Variants in ASAP1 observed in about 807,000 individuals in gnomAD.
ASAP1 encodes the protein arf-GAP with SH3 domain, ANK repeat and PH domain-containing protein 1.
ASAP1 carries 43 observed loss-of-function variants against 145.2 expected under a neutral mutation model. The ratio of observed to expected loss-of-function variants is 0.30; its 90% CI spans 0.23 to 0.38. The LOEUF (loss-of-function observed/expected upper bound fraction) is 0.38, where lower values mean the gene tolerates loss of function less well. ASAP1 is among the 10% of genes least tolerant of loss of function. The pLI is 1.00. For missense variants in ASAP1, 1,018 were observed against 1,355.3 expected, an observed-to-expected ratio of 0.75 and a Z score of 3.91; for synonymous variants, 546 against 515.5, an observed-to-expected ratio of 1.06 and a Z score of -0.80.
chr8:130,188,329 AC>A, intron 5 of ASAP1, 146 bp from the exon 6 acceptor site: 1 of 660,418 alleles, frequency 1.5e-6, no homozygotes, highest in Non-Finnish European at 2.7e-6. Flanking sequence ...CCTACATGAC[AC>A]CTCTGTAGGT....
Position 130,185,743 on chromosome 8 carries a change from A to AAAAAAG in ASAP1, c.530+1487_530+1492dup, listed in dbSNP as rs1554841935. ...AAACTCCGCCTCAAAAAAAAAAAAA[A>AAAAAAG]AAAAAGAAAAAGAAAAAGAAAAAAA... is the stretch of plus-strand genomic sequence containing the variant. On this transcript the variant is annotated intron_variant, in intron 7 of 29. Transcript: ENST00000518721. Among the ~76,000 whole-genome samples, 9 of 150,968 alleles carry AAAAAAG rather than the reference A, an allele frequency of 6.0e-5. No individual in the cohort carries two copies. In the South Asian group the frequency reaches 8.4e-4, roughly 14 times the overall value.
chr8:130,412,233 C>T (rs762034930), intron 1 of ASAP1, among the ~76,000 whole-genome samples: 47 of 152,128 alleles, frequency 3.1e-4, no homozygotes, highest in Non-Finnish European at 6.0e-4. Flanking sequence ...AAATTTCATA[C>T]TGAATTATAA....
intron 2 of ASAP1, among the ~76,000 whole-genome samples, chr8:130,373,763 C>T (rs1827340500): frequency 6.9e-6 from 1 of 144,956 alleles, no homozygotes. Flanking sequence ...AGGAGAATTG[C>T]TTGAACCCAG....
chr8:130,428,787 TCATCATCACCATCACCACCACCACCAC>T (rs1156868152), intron 1 of ASAP1, among the ~76,000 whole-genome samples: 1 of 149,314 alleles, frequency 6.7e-6, no homozygotes, highest in Non-Finnish European at 1.5e-5. Context: ...CATCATCATA[TCATCATCACCATCACCACCACCACCAC>T]CATCATTATC....
chr8:130,059,288 C>G (rs1204908547), intron 28 of ASAP1, among the ~76,000 whole-genome samples: 3 of 152,058 alleles, frequency 2.0e-5, no homozygotes, highest in African/African-American at 4.8e-5. Context: ...CTTAGCCTCC[C>G]AAGTAGCTGG....
chr8:130,365,909 G>C (rs970185312), intron 2 of ASAP1, among the ~76,000 whole-genome samples: 1 of 152,204 alleles, frequency 6.6e-6, no homozygotes, highest in Non-Finnish European at 1.5e-5. Flanking sequence ...ATCCACAGAA[G>C]TGATCCCGGT....
intron 2 of ASAP1, among the ~76,000 whole-genome samples, chr8:130,367,991 T>C (rs530574095): frequency 8.5e-5 from 13 of 152,288 alleles, no homozygotes; most frequent in African/African-American, 2.9e-4. Flanking sequence ...CTTCTTAACA[T>C]ATGCTATTTA....
intron 13 of ASAP1, among the ~76,000 whole-genome samples, chr8:130,148,293 A>G (rs73712881): frequency 0.013 from 1,948 of 152,358 alleles, 29 homozygotes; most frequent in African/African-American, 0.043. Context: ...GCTATTTACA[A>G]ACTTCATGAC....
chr8:130,056,047 G>T (rs1175747730), intron 29 of ASAP1, among the ~76,000 whole-genome samples: 1 of 152,010 alleles, frequency 6.6e-6, no homozygotes, highest in Admixed American at 6.6e-5. Flanking sequence ...TTCCCCGCAG[G>T]TATCTCTGCT....
rs537343027 is a variant in ASAP1, at chr8:130,296,941, G to C, written c.187-59947C>G. On this transcript the variant is annotated intron_variant, in intron 3 of 29. Coordinates refer to ENST00000518721, the MANE Select transcript of ASAP1 (RefSeq NM_018482.4). The stretch of plus-strand genomic sequence containing the variant: ...CTTTCAAGTTTAACTGTCTTTTTTG[G>C]GGGGCTAAGTGGATGAGAGAGGTAA... Among the ~76,000 whole-genome samples the C allele has an allele frequency of 3.9e-5, 6 of 151,934 alleles. 1 individual carries two copies. The highest frequency in any genetic ancestry group is 1.4e-4 in the African/African-American group (6 of 41,426).
chr8:130,180,897 T>C lies in ASAP1; in HGVS notation c.531-17A>G, dbSNP rs770259244. On this transcript the variant is annotated splice_polypyrimidine_tract_variant and intron_variant, in intron 7 of 29. Coordinates refer to ENST00000518721, the MANE Select transcript of ASAP1 (RefSeq NM_018482.4). ...ATTTTTGTACTGTAATTAAAGCCAATGTCATTATTTAAAAAAAAAAAATAC... is the reference window on the plus strand; with the variant it reads ...ATTTTTGTACTGTAATTAAAGCCAACGTCATTATTTAAAAAAAAAAAATAC... 2 of 1,538,656 alleles carry C rather than the reference T, an allele frequency of 1.3e-6. No homozygotes were observed. Among genetic ancestry groups the C allele is most frequent in the Non-Finnish European group, 1.7e-6 (2 of 1,153,260 alleles).
At chr8:130,203,063 G>A (rs1046805058) in intron 5 of ASAP1, among the ~76,000 whole-genome samples, 5 of 151,956 alleles carry the variant, frequency 3.3e-5, no homozygotes, top group Non-Finnish European at 7.4e-5. Flanking sequence ...GAAATAAATT[G>A]TTGGAGGGCA....
chr8:130,210,372 C>T (rs1448095562), intron 5 of ASAP1, among the ~76,000 whole-genome samples: 3 of 152,076 alleles, frequency 2.0e-5, no homozygotes, highest in Non-Finnish European at 4.4e-5. Flanking sequence ...ACATGGAAAA[C>T]GTCTCAGTTT....
At position 130,325,842 on chromosome 8, in the gene ASAP1, G is replaced by A. The variant is rs1396034960; in HGVS notation, c.186+32175C>T. ...GATGACAAAACCAAGGCTCCGAGAA[G>A]AGACCACAAAACATATGATTAGTAA... On this transcript the variant is annotated intron_variant, in intron 3 of 29. Coordinates refer to ENST00000518721, the MANE Select transcript of ASAP1 (RefSeq NM_018482.4). Among the ~76,000 whole-genome samples the A allele has an allele frequency of 3.3e-5, 5 of 152,170 alleles. No individual in the cohort carries two copies. The East Asian group carries it at 9.6e-4, about 29-fold the overall frequency.
chr8:130,428,442 C>CCACTATCAT, intron 1 of ASAP1, among the ~76,000 whole-genome samples: 1 of 3,920 alleles, frequency 2.6e-4, no homozygotes, highest in Non-Finnish European at 5.0e-4. Flanking sequence ...ATCACCACCA[C>CCACTATCAT]CACCATCATT....
chr8:130,291,880 G>A (rs1039978507), intron 3 of ASAP1, among the ~76,000 whole-genome samples: 2 of 152,214 alleles, frequency 1.3e-5, no homozygotes, highest in East Asian at 1.9e-4. Flanking sequence ...CACTGCTTAC[G>A]AGGGGACACT....
chr8:130,423,638 T>C (rs1554912274), intron 1 of ASAP1, among the ~76,000 whole-genome samples: 1 of 152,242 alleles, frequency 6.6e-6, no homozygotes, highest in Non-Finnish European at 1.5e-5. Context: ...GGAGAGTCCC[T>C]ATATATTATA....
chr8:130,405,067 A>T (rs1384678241), intron 1 of ASAP1, among the ~76,000 whole-genome samples: 1 of 152,130 alleles, frequency 6.6e-6, no homozygotes, highest in East Asian at 1.9e-4. Context: ...CAAGCCTCTG[A>T]AATCCTGAGG....
intron 3 of ASAP1, among the ~76,000 whole-genome samples, chr8:130,323,990 C>G (rs1824175691): frequency 6.6e-6 from 1 of 152,194 alleles, no homozygotes; most frequent in South Asian, 2.1e-4. Flanking sequence ...CAATACTACT[C>G]CCTCAGTTAT....
Sources: allele counts gnomAD v4.1 joint callset (sites outside exome capture counted in the v4.1 genomes callset), GRCh38; gene constraint gnomAD v4.1.1; transcripts MANE v1.5; gene names NCBI Gene and HGNC (gene_info 2026-07-23, HGNC 2026-07-21).